Variants in VEZT observed in about 807,000 individuals in gnomAD.
The protein encoded by VEZT is vezatin.
In VEZT, 39 loss-of-function variants were observed where a neutral mutation model predicts 79.9. The ratio of observed to expected loss-of-function variants is 0.49; its 90% CI spans 0.38 to 0.64. VEZT has a LOEUF of 0.64. Among genes scored for constraint, VEZT ranks in the 30% least tolerant of loss-of-function variants. The probability of loss-of-function intolerance (pLI) is 0.00; values close to 1 mark genes in which losing one functional copy is unlikely to be tolerated. For synonymous variants in VEZT, 325 were observed against 327.6 expected, an observed-to-expected ratio of 0.99 and a Z score of 0.09; for missense variants, 837 against 893.1, an observed-to-expected ratio of 0.94 and a Z score of 0.80.
At chr12:95,249,024 CA>C (rs1324145503) in intron 1 of VEZT, among the ~76,000 whole-genome samples, 1 of 152,016 alleles carries the variant, frequency 6.6e-6, no homozygotes, top group East Asian at 1.9e-4. Context: ...ACATGAAGTT[CA>C]AATTTCAGTG....
chr12:95,282,465 T>A lies in VEZT; in HGVS notation c.1149T>A (p.His383Gln). The A allele has an allele frequency of 6.2e-7, 1 of 1,613,966 alleles. No homozygotes were observed. Among genetic ancestry groups the A allele is most frequent in the Non-Finnish European group, 8.5e-7 (1 of 1,179,886 alleles). Residue 383 changes from histidine to glutamine, a missense_variant, in exon 8 of 12, where the codon CAT (histidine) becomes CAA (glutamine). Coordinates refer to ENST00000436874, the MANE Select transcript of VEZT (RefSeq NM_017599.4). ...CTGATGTGACTCAAGGTCTACCTCA[T>A]GCTCATTCTGCCTGTTTGGAAGAGC... ...ILSDVTQGLPHAHSACLEELK... is the reference protein window; with the variant it reads ...ILSDVTQGLPQAHSACLEELK...
At chr12:95,247,503 A>G (rs1021393011) in intron 1 of VEZT, among the ~76,000 whole-genome samples, 4 of 132,654 alleles carry the variant, frequency 3.0e-5, no homozygotes, top group Non-Finnish European at 7.3e-5. Context: ...TTTCATTAAC[A>G]TATGTTGTTT....
chr12:95,284,249 G>A (rs2069981315), intron 8 of VEZT, among the ~76,000 whole-genome samples: 1 of 152,288 alleles, frequency 6.6e-6, no homozygotes, highest in African/African-American at 2.4e-5. Context: ...AATTTGCTCT[G>A]TAGTGCTGCT....
chr12:95,270,892 CAT>C (rs1167830747), intron 6 of VEZT, among the ~76,000 whole-genome samples: 3 of 152,134 alleles, frequency 2.0e-5, no homozygotes, highest in Non-Finnish European at 4.4e-5. Context: ...TTAGTAAAGA[CAT>C]ATAGATAAGT....
At position 95,295,909 on chromosome 12, in the gene VEZT, T is replaced by C. The variant is rs577925563; in HGVS notation, c.1624-142T>C. The C allele has an allele frequency of 1.3e-4, 84 of 623,676 alleles. No homozygotes were observed. The Admixed American group carries it at 1.5e-3, about 11-fold the overall frequency. 38.6% of individuals were successfully genotyped at this position (623,676 alleles called of 1,614,324 possible). ...CATAGGTATATATTTGCTTTTTTCT[T>C]TTCCTAGCTCTGCTTTAATGACCTG... On this transcript the variant is annotated intron_variant, in intron 10 of 11. Coordinates refer to ENST00000436874, the MANE Select transcript of VEZT (RefSeq NM_017599.4).
chr12:95,221,498 G>A (rs2057573439), intron 1 of VEZT, among the ~76,000 whole-genome samples: 1 of 151,740 alleles, frequency 6.6e-6, no homozygotes, highest in Non-Finnish European at 1.5e-5. Context: ...CCAGGAGGCG[G>A]AGGTTGCTCT....
intron 1 of VEZT, among the ~76,000 whole-genome samples, chr12:95,251,138 G>A (rs1566091350): frequency 6.6e-6 from 1 of 152,122 alleles, no homozygotes; most frequent in Non-Finnish European, 1.5e-5. Context: ...AGCCTCCCGA[G>A]TAGATGGGAT....
chr12:95,291,620 G>T (rs2072840911), intron 9 of VEZT, among the ~76,000 whole-genome samples: 1 of 152,212 alleles, frequency 6.6e-6, no homozygotes, highest in Non-Finnish European at 1.5e-5. Flanking sequence ...GTATTTACAA[G>T]AACAGGCAGT....
intron 1 of VEZT, among the ~76,000 whole-genome samples, chr12:95,239,771 G>A (rs1290787810): frequency 6.6e-6 from 1 of 152,128 alleles, no homozygotes; most frequent in Admixed American, 6.5e-5. Context: ...GGCCACCATG[G>A]TGAAACACCA....
intron 1 of VEZT, among the ~76,000 whole-genome samples, chr12:95,239,844 C>G (rs945910962): frequency 6.6e-6 from 1 of 151,848 alleles, no homozygotes; most frequent in African/African-American, 2.4e-5. Flanking sequence ...CCCAGCTACT[C>G]GGGAAGCTGA....
rs773695686 is a variant in VEZT, at chr12:95,270,151, C to G, written c.811C>G (p.Gln271Glu). ...CTACCGAACTCTAAGAGCCAACTTC[C>G]AAGCAGCAAGGCTAGCTACCCTATA... ...AVYRTLRANF[Q>E]AARLATLYML... Residue 271 changes from glutamine to glutamate, a missense_variant, in exon 6 of 12, where the codon CAA becomes GAA. Coordinates refer to ENST00000436874, the MANE Select transcript of VEZT (RefSeq NM_017599.4). 1 of 1,610,628 alleles carries G rather than the reference C, an allele frequency of 6.2e-7. No homozygotes were observed. The highest frequency in any genetic ancestry group is 1.1e-5 in the South Asian group (1 of 90,188).
intron 7 of VEZT, among the ~76,000 whole-genome samples, chr12:95,279,089 A>G (rs1402926354): frequency 6.6e-6 from 1 of 152,232 alleles, no homozygotes; most frequent in African/African-American, 2.4e-5. Context: ...TAAATAAATT[A>G]ATTGATTAAT....
rs553038815 is a variant in VEZT, at chr12:95,259,212, T to C, written c.258+1973T>C. Among the ~76,000 whole-genome samples, 3 of 151,476 alleles carry C rather than the reference T, an allele frequency of 2.0e-5. No homozygotes were observed. In the South Asian group the frequency reaches 6.2e-4, roughly 31 times the overall value. On this transcript the variant is annotated intron_variant, in intron 3 of 11. Coordinates refer to ENST00000436874, the MANE Select transcript of VEZT (RefSeq NM_017599.4). ...TTCTGTTTTTTTTTTCTTGATCCAT[T>C]AGAATCTTTTCAATAAGCACTCCTA...
chr12:95,229,392 A>C (rs1319860474), intron 1 of VEZT, among the ~76,000 whole-genome samples: 1 of 152,196 alleles, frequency 6.6e-6, no homozygotes, highest in Non-Finnish European at 1.5e-5. Context: ...GCATTGTGGA[A>C]AGAGGACCAG....
At chr12:95,238,015 G>A (rs1231042101) in intron 1 of VEZT, among the ~76,000 whole-genome samples, 1 of 152,206 alleles carries the variant, frequency 6.6e-6, no homozygotes, top group African/African-American at 2.4e-5. Flanking sequence ...CTTGAAGAGA[G>A]ACAAAAATAT....
At chr12:95,270,628 T>A (rs1299851504) in intron 6 of VEZT, among the ~76,000 whole-genome samples, 1 of 152,206 alleles carries the variant, frequency 6.6e-6, no homozygotes, top group Non-Finnish European at 1.5e-5. Context: ...AGTTACTTCC[T>A]AAGTGACTTT....
chr12:95,240,071 AGGAAG>A (rs2060802522), intron 1 of VEZT, among the ~76,000 whole-genome samples: 1 of 82,546 alleles, frequency 1.2e-5, no homozygotes, highest in African/African-American at 4.0e-5. Flanking sequence ...GAAGGAAGGA[AGGAAG>A]AAAAGAAAGA....
At chr12:95,224,966 G>A (rs1472918926) in intron 1 of VEZT, among the ~76,000 whole-genome samples, 10 of 152,190 alleles carry the variant, frequency 6.6e-5, no homozygotes, top group Admixed American at 6.5e-4. Flanking sequence ...GCTCCTATGA[G>A]AATCTAATGC....
chr12:95,263,234 CTAAAGTAAATACTATT>C (rs1296247210), intron 4 of VEZT, among the ~76,000 whole-genome samples, 153 bp downstream of exon 4: 2 of 152,090 alleles, frequency 1.3e-5, no homozygotes, highest in Admixed American at 6.6e-5. Context: ...AAGTGCCTTT[CTAAAGTAAATACTATT>C]TAAAGTGAAG....
Sources: gnomAD v4.1 joint callset for allele counts (sites outside exome capture counted in the v4.1 genomes callset) on GRCh38, gnomAD v4.1.1 for gene constraint, MANE v1.5 for transcripts, NCBI Gene and HGNC (gene_info 2026-07-23, HGNC 2026-07-21) for gene names.